The following PITPNC1 variants were observed in gnomAD, a reference collection of about 807,000 sequenced individuals.
PITPNC1 encodes the protein phosphatidylinositol transfer protein cytoplasmic 1.
In PITPNC1, 18 loss-of-function variants were observed where a neutral mutation model predicts 44.7. The observed-to-expected ratio is 0.40, with a 90% CI of 0.28 to 0.60. The LOEUF is 0.60. PITPNC1 is among the 20% of genes least tolerant of loss of function. The pLI is 0.39. For synonymous variants in PITPNC1, 141 were observed against 149.6 expected, an observed-to-expected ratio of 0.94 and a Z score of 0.42; for missense variants, 290 against 418.4, an observed-to-expected ratio of 0.69 and a Z score of 2.68.
chr17:67,559,679 G>C (rs1353820261), intron 4 of PITPNC1, among the ~76,000 whole-genome samples: 1 of 152,168 alleles, frequency 6.6e-6, no homozygotes, highest in Non-Finnish European at 1.5e-5. Context: ...TTGAGGTCAG[G>C]AGTTTGAGAC....
At chr17:67,531,394 G>T (rs961221952) in intron 1 of PITPNC1, among the ~76,000 whole-genome samples, 3 of 152,164 alleles carry the variant, frequency 2.0e-5, no homozygotes, top group African/African-American at 7.2e-5. Flanking sequence ...TCATGTGACC[G>T]TTCTGGAGAG....
At chr17:67,514,021 A>T (rs2040225990) in intron 1 of PITPNC1, among the ~76,000 whole-genome samples, 2 of 151,748 alleles carry the variant, frequency 1.3e-5, no homozygotes, top group Admixed American at 6.6e-5. Flanking sequence ...GAAAAAAAAA[A>T]ATCCCAGGTA....
chr17:67,630,760 G>T (rs1174379912), intron 5 of PITPNC1, among the ~76,000 whole-genome samples: 2 of 150,156 alleles, frequency 1.3e-5, no homozygotes, highest in African/African-American at 4.9e-5. Context: ...CACTCAGGCT[G>T]GAGTGCAGTG....
chr17:67,425,883 A>G (rs1384568588), intron 1 of PITPNC1, among the ~76,000 whole-genome samples: 3 of 152,168 alleles, frequency 2.0e-5, no homozygotes, highest in Non-Finnish European at 4.4e-5. Flanking sequence ...TGCCGATCAT[A>G]AGGTCTATGT....
intron 1 of PITPNC1, among the ~76,000 whole-genome samples, chr17:67,509,434 G>A (rs2040150718): frequency 6.6e-6 from 1 of 151,928 alleles, no homozygotes; most frequent in Admixed American, 6.6e-5. Context: ...CCACTTGGGA[G>A]GCTGAGGCAG....
intron 8 of PITPNC1, among the ~76,000 whole-genome samples, chr17:67,691,667 C>A (rs1180245306): frequency 6.6e-6 from 1 of 152,158 alleles, no homozygotes; most frequent in Non-Finnish European, 1.5e-5. Context: ...ACAACAGCAT[C>A]TTTGTGGCCC....
intron 1 of PITPNC1, among the ~76,000 whole-genome samples, chr17:67,384,581 G>A (rs1415534839): frequency 6.6e-6 from 1 of 152,162 alleles, no homozygotes; most frequent in Non-Finnish European, 1.5e-5. Context: ...GCCCGCCACT[G>A]CGCCCAGCTG....
At chr17:67,481,873 A>G (rs1007905379) in intron 1 of PITPNC1, among the ~76,000 whole-genome samples, 2 of 152,196 alleles carry the variant, frequency 1.3e-5, no homozygotes, top group African/African-American at 4.8e-5. Flanking sequence ...TCGAAGTAGT[A>G]TATGCAAAAG....
chr17:67,388,327 T>TG (rs1422320146), intron 1 of PITPNC1, among the ~76,000 whole-genome samples: 9 of 131,334 alleles, frequency 6.9e-5, no homozygotes, highest in Non-Finnish European at 1.1e-4. Context: ...CTTTTTTTCG[T>TG]GTTTTTTTTT....
At chr17:67,460,362 G>A (rs913911212) in intron 1 of PITPNC1, among the ~76,000 whole-genome samples, 1 of 152,100 alleles carries the variant, frequency 6.6e-6, no homozygotes, top group Non-Finnish European at 1.5e-5. Context: ...CTTGCTGCAG[G>A]AGGCAGGATT....
intron 4 of PITPNC1, among the ~76,000 whole-genome samples, chr17:67,576,543 T>C (rs114916957): frequency 0.01 from 1,525 of 152,318 alleles, 27 homozygotes; most frequent in African/African-American, 0.034. Context: ...CAGATCCCAA[T>C]GCAGGTGCTG....
chr17:67,479,191 C>T (rs1440836876), intron 1 of PITPNC1, among the ~76,000 whole-genome samples: 1 of 152,162 alleles, frequency 6.6e-6, no homozygotes, highest in Admixed American at 6.6e-5. Flanking sequence ...GCCTCCCTGC[C>T]TTTTTGAGGC....
chr17:67,440,216 A>G (rs2038993656), intron 1 of PITPNC1, among the ~76,000 whole-genome samples: 1 of 152,230 alleles, frequency 6.6e-6, no homozygotes, highest in African/African-American at 2.4e-5. Context: ...TTAATGCACA[A>G]TACTCTACAA....
In PITPNC1 at chr17:67,420,095, G is replaced by C. The variant is rs73996710; in HGVS notation, c.48+41893G>C. Among the ~76,000 whole-genome samples, 435 of 152,290 alleles carry C rather than the reference G, an allele frequency of 2.9e-3. 1 individual carries two copies. The highest frequency in any genetic ancestry group is 0.01 in the African/African-American group (417 of 41,574). ...GATCCCTGAGGGGTGGTAGAAACAA[G>C]CAATGCTTTTCAGAGTGAAGCTAAA... On this transcript the variant is annotated intron_variant, in intron 1 of 8. Coordinates refer to ENST00000581322, the MANE Select transcript of PITPNC1 (RefSeq NM_012417.4).
intron 1 of PITPNC1, among the ~76,000 whole-genome samples, chr17:67,523,588 A>C (rs1187202013): frequency 1.3e-5 from 2 of 151,888 alleles, no homozygotes; most frequent in Non-Finnish European, 2.9e-5. Context: ...AGAGAAGTAA[A>C]TCGTCTAAGG....
At chr17:67,657,068 G>A (rs80196150) in intron 6 of PITPNC1, among the ~76,000 whole-genome samples, 7,375 of 152,176 alleles carry the variant, frequency 0.048, 247 homozygotes, top group Middle Eastern at 0.085. Flanking sequence ...TGAGGAGGAG[G>A]GGGTAGAATG....
chr17:67,544,997 A>G (rs113499499), intron 2 of PITPNC1, among the ~76,000 whole-genome samples: 18 of 152,292 alleles, frequency 1.2e-4, no homozygotes, highest in African/African-American at 4.3e-4. Context: ...ATATACAAAG[A>G]CAATATTTAG....
intron 1 of PITPNC1, among the ~76,000 whole-genome samples, chr17:67,515,537 G>T (rs1405738532): frequency 1.3e-5 from 2 of 152,192 alleles, no homozygotes; most frequent in Admixed American, 6.5e-5. Flanking sequence ...ATGGCTTAAT[G>T]AAGACTATGA....
At chr17:67,455,386 G>T (rs2039240546) in intron 1 of PITPNC1, among the ~76,000 whole-genome samples, 1 of 152,022 alleles carries the variant, frequency 6.6e-6, no homozygotes, top group Non-Finnish European at 1.5e-5. Context: ...CATTCCTTGG[G>T]ATAAATTACA....
Sources: gnomAD v4.1 joint callset for allele counts (sites outside exome capture counted in the v4.1 genomes callset) on GRCh38, gnomAD v4.1.1 for gene constraint, MANE v1.5 for transcripts, NCBI Gene and HGNC (gene_info 2026-07-23, HGNC 2026-07-21) for gene names.